The following ST6GALNAC3 variants were observed in gnomAD, a reference collection of about 807,000 sequenced individuals.
The protein encoded by ST6GALNAC3 is alpha-N-acetylgalactosaminide alpha-2,6-sialyltransferase 3.
ST6GALNAC3 carries 25 observed loss-of-function variants against 32.7 expected under a neutral mutation model. The observed-to-expected ratio is 0.76, with a 90% CI of 0.56 to 1.07. The LOEUF (loss-of-function observed/expected upper bound fraction) is 1.07. Among genes scored for constraint, ST6GALNAC3 ranks in the 50% least tolerant of loss-of-function variants. The pLI, the probability that ST6GALNAC3 is intolerant of heterozygous loss-of-function variation, is 0.00. For synonymous variants in ST6GALNAC3, 129 were observed against 133.1 expected (o/e 0.97, Z 0.21); for missense variants, 355 against 382.4 (o/e 0.93, Z 0.60).
chr1:76,389,012 CTTTTT>C (rs371619828), intron 2 of ST6GALNAC3, among the ~76,000 whole-genome samples: 1 of 127,366 alleles, frequency 7.9e-6, no homozygotes, highest in African/African-American at 3.0e-5. Context: ...GGTATATTTC[CTTTTT>C]TTTTTTTTTT....
At chr1:76,531,324 G>T (rs529875985) in intron 3 of ST6GALNAC3, among the ~76,000 whole-genome samples, 32 of 152,278 alleles carry the variant, frequency 2.1e-4, no homozygotes, top group African/African-American at 7.2e-4. Context: ...GATGACATTT[G>T]ATTTTTCTGA....
intron 1 of ST6GALNAC3, among the ~76,000 whole-genome samples, chr1:76,082,918 A>C (rs79814901): frequency 0.02 from 3,029 of 152,188 alleles, 93 homozygotes; most frequent in African/African-American, 0.07. Context: ...CACACATAGC[A>C]AATATAAATA....
chr1:76,465,750 G>A (rs1011526576), intron 3 of ST6GALNAC3, among the ~76,000 whole-genome samples: 12 of 151,990 alleles, frequency 7.9e-5, no homozygotes, highest in African/African-American at 2.9e-4. Flanking sequence ...TTTCCTGTTG[G>A]TGAGGGCTGA....
At chr1:76,498,383 A>G (rs535812480) in intron 3 of ST6GALNAC3, among the ~76,000 whole-genome samples, 29 of 152,212 alleles carry the variant, frequency 1.9e-4, no homozygotes, top group Non-Finnish European at 3.4e-4. Flanking sequence ...TCTAAACACC[A>G]ATCTCTACTA....
Position 76,241,446 on chromosome 1 carries a change from C to CTGTTT in ST6GALNAC3, c.19-72359_19-72358insTGTTT, listed in dbSNP as rs1426457240. Among the ~76,000 whole-genome samples, 6 of 152,068 alleles carry CTGTTT rather than the reference C, an allele frequency of 3.9e-5. No homozygotes were observed. The East Asian group carries it at 9.7e-4, about 25-fold the overall frequency. On this transcript the variant is annotated intron_variant, in intron 1 of 4. Coordinates refer to ENST00000328299, the MANE Select transcript of ST6GALNAC3 (RefSeq NM_152996.4). The stretch of plus-strand genomic sequence containing the variant: ...GGAAGTGCTAAGCTCCCTTAAACAA[C>CTGTTT]CAGCTCTAGCAGGAATGAAAACAGT...
intron 1 of ST6GALNAC3, among the ~76,000 whole-genome samples, chr1:76,159,764 C>T (rs1386883274): frequency 6.6e-6 from 1 of 152,168 alleles, no homozygotes; most frequent in Non-Finnish European, 1.5e-5. Context: ...CAAGTGTTTT[C>T]AGAACACAAT....
intron 3 of ST6GALNAC3, among the ~76,000 whole-genome samples, chr1:76,487,332 G>T (rs1411130030): frequency 6.6e-6 from 1 of 152,136 alleles, no homozygotes; most frequent in African/African-American, 2.4e-5. Context: ...TTCCAACTTG[G>T]TTCCATTCTC....
At chr1:76,499,550 G>C (rs1437267079) in intron 3 of ST6GALNAC3, among the ~76,000 whole-genome samples, 1 of 152,068 alleles carries the variant, frequency 6.6e-6, no homozygotes, top group Non-Finnish European at 1.5e-5. Flanking sequence ...GTTCTCCTTT[G>C]GTAGGAGCCT....
intron 3 of ST6GALNAC3, among the ~76,000 whole-genome samples, chr1:76,457,756 C>T (rs878976600): frequency 2.0e-4 from 30 of 152,058 alleles, no homozygotes; most frequent in African/African-American, 2.9e-4. Context: ...AAGATTTAAA[C>T]GTTAGACCTA....
chr1:76,151,703 G>A (rs1379877906), intron 1 of ST6GALNAC3, among the ~76,000 whole-genome samples: 2 of 152,216 alleles, frequency 1.3e-5, no homozygotes, highest in Non-Finnish European at 1.5e-5. Context: ...CTCTGGTAAG[G>A]AGGTGCAGGG....
At chr1:76,585,139 A>G (rs1376963559) in intron 3 of ST6GALNAC3, among the ~76,000 whole-genome samples, 1 of 152,072 alleles carries the variant, frequency 6.6e-6, no homozygotes, top group Admixed American at 6.6e-5. Context: ...ATTCCCAGCA[A>G]TTTTGGAGGC....
intron 3 of ST6GALNAC3, among the ~76,000 whole-genome samples, chr1:76,613,979 A>G (rs1648109140): frequency 6.6e-6 from 1 of 152,242 alleles, no homozygotes; most frequent in African/African-American, 2.4e-5. Context: ...TAGACACATC[A>G]TGGAGTCTCT....
At chr1:76,169,160 C>T (rs749258199) in intron 1 of ST6GALNAC3, among the ~76,000 whole-genome samples, 6 of 152,074 alleles carry the variant, frequency 3.9e-5, no homozygotes, top group African/African-American at 7.2e-5. Context: ...AATGTATTCC[C>T]TCAGCATTTG....
rs1649161138 is a variant in ST6GALNAC3, at chr1:76,629,074, G to C, written c.*268G>C. The C allele has an allele frequency of 8.3e-7, 1 of 1,197,810 alleles. No individual in the cohort carries two copies. 74.2% of individuals were successfully genotyped at this position (1,197,810 alleles called of 1,614,324 possible). A position where few individuals can be genotyped will look rare whatever the true frequency, so the allele number is the denominator to read the frequency against. Reference sequence around the variant, plus strand: ...TTAACTGGAATTGAGATGAAGGCCAGTGACATGACAACTGTGACCTAAGAA... The same window carrying C: ...TTAACTGGAATTGAGATGAAGGCCACTGACATGACAACTGTGACCTAAGAA... On this transcript the variant is annotated 3_prime_UTR_variant, in exon 5 of 5. Transcript: ENST00000328299.
chr1:76,629,937 G>A lies in ST6GALNAC3; in HGVS notation c.*1131G>A. The A allele has an allele frequency of 2.0e-6, 2 of 985,036 alleles. No homozygotes were observed. The highest frequency in any genetic ancestry group is 2.4e-6 in the Non-Finnish European group (2 of 829,758). The allele number at this position is 985,036 out of a possible 1,614,324, so 61.0% of individuals were successfully genotyped here. ...CCTGACCAGAGCTTTTTGCCTTCTA[G>A]GGATTTATTTTTCCCATAGTGTATC... On this transcript the variant is annotated 3_prime_UTR_variant, in exon 5 of 5. Transcript: ENST00000328299.
At chr1:76,598,238 CACG>C (rs1284473521) in intron 3 of ST6GALNAC3, among the ~76,000 whole-genome samples, 3 of 152,266 alleles carry the variant, frequency 2.0e-5, no homozygotes, top group Admixed American at 2.0e-4. Context: ...CAAACACCAT[CACG>C]ACAACATATG....
chr1:76,619,468 ATTT>A (rs1310179153), intron 3 of ST6GALNAC3, among the ~76,000 whole-genome samples: 1 of 152,194 alleles, frequency 6.6e-6, no homozygotes, highest in African/African-American at 2.4e-5. Flanking sequence ...ATCATCATAC[ATTT>A]TTAATTGTTT....
intron 1 of ST6GALNAC3, among the ~76,000 whole-genome samples, chr1:76,186,195 A>T (rs1338158765): frequency 3.9e-5 from 6 of 152,134 alleles, no homozygotes; most frequent in Non-Finnish European, 8.8e-5. Context: ...ATTGATTCTT[A>T]AGTGTGTGAA....
chr1:76,121,393 C>A (rs1477303007), intron 1 of ST6GALNAC3, among the ~76,000 whole-genome samples: 2 of 152,142 alleles, frequency 1.3e-5, no homozygotes, highest in African/African-American at 2.4e-5. Context: ...TGCCTCCCCA[C>A]TGTCTGTTCT....
Sources: allele counts gnomAD v4.1 joint callset (sites outside exome capture counted in the v4.1 genomes callset), GRCh38; gene constraint gnomAD v4.1.1; transcripts MANE v1.5; gene names NCBI Gene and HGNC (gene_info 2026-07-23, HGNC 2026-07-21).